The following TRIM36 variants were observed in gnomAD, a reference collection of about 807,000 sequenced individuals.
TRIM36 encodes E3 ubiquitin-protein ligase TRIM36.
TRIM36 carries 42 observed loss-of-function variants against 72.4 expected under a neutral mutation model. The ratio of observed to expected loss-of-function variants is 0.58; its 90% CI spans 0.45 to 0.75. The LOEUF is 0.75. TRIM36 is among the 30% of genes least tolerant of loss of function. TRIM36 has a pLI of 0.00. For missense variants in TRIM36, 913 were observed against 857.1 expected, an observed-to-expected ratio of 1.07 and a Z score of -0.81; for synonymous variants, 315 against 282.8, an observed-to-expected ratio of 1.11 and a Z score of -1.14.
Position 115,130,808 on chromosome 5 carries a change from C to G in TRIM36, c.1580G>C (p.Ser527Thr). The G allele has an allele frequency of 6.2e-7, 1 of 1,614,144 alleles. No homozygotes were observed. Among genetic ancestry groups the G allele is most frequent in the South Asian group, 1.1e-5 (1 of 91,084 alleles). Residue 527 changes from serine to threonine, a missense_variant, in exon 9 of 10, where the codon AGT (serine) becomes ACT (threonine). Physicochemically the swap from Ser to Thr is moderately conservative, Grantham distance 58. Transcript: ENST00000513154. ...LLNLKRDRVESRAGFNLLLAA... is the reference protein window; with the variant it reads ...LLNLKRDRVETRAGFNLLLAA... Reference sequence around the variant, plus strand: ...AAGCAGAAGATTAAATCCAGCTCTACTCTCTACACGGTCTCTCTTCAAGTT... The same window carrying G: ...AAGCAGAAGATTAAATCCAGCTCTAGTCTCTACACGGTCTCTCTTCAAGTT...
At chr5:115,135,373 G>A (rs1422069) in intron 7 of TRIM36, among the ~76,000 whole-genome samples, 12,688 of 151,678 alleles carry the variant, frequency 0.084, 980 homozygotes, top group East Asian at 0.36. Context: ...GATCTGGAAA[G>A]TTATTCAAAA....
At position 115,125,406 on chromosome 5, in the gene TRIM36, T is replaced by C. The variant is rs1752324353; in HGVS notation, c.*1097A>G. The C allele has an allele frequency of 1.3e-5, 2 of 152,138 alleles. 1 individual carries two copies. Among genetic ancestry groups the C allele is most frequent in the Admixed American group, 1.3e-4 (2 of 15,272 alleles). 9.4% of individuals were successfully genotyped at this position (152,138 alleles called of 1,614,324 possible). A position where few individuals can be genotyped will look rare whatever the true frequency, so the allele number is the denominator to read the frequency against. ...GATCTTAGTTATCATTTCTAAGTAA[T>C]TAAATTTGTATTTTTACTTGCTTAT... On this transcript the variant is annotated 3_prime_UTR_variant, in exon 10 of 10. Transcript: ENST00000513154.
In TRIM36 at chr5:115,147,274, G is replaced by A; in HGVS notation, c.383C>T (p.Thr128Ile). 1 of 1,614,140 alleles carries A rather than the reference G, an allele frequency of 6.2e-7. No individual in the cohort carries two copies. Among genetic ancestry groups the A allele is most frequent in the Non-Finnish European group, 8.5e-7 (1 of 1,180,030 alleles). ...NGLFRNFTLE[T>I]IVERYRQAAR... The stretch of plus-strand genomic sequence containing the variant: ...TGCTTGACGATATCTTTCCACAATA[G>A]TTTCCAAAGTGAAGTTTCGAAACAG... Residue 128 changes from threonine to isoleucine, a missense_variant, in exon 3 of 10, where the codon ACT becomes ATT. Thr to Ile is a moderately conservative substitution (Grantham distance 89, BLOSUM62 -1). Transcript: ENST00000513154.
chr5:115,148,867 T>C (rs1753735010), intron 2 of TRIM36: 1 of 152,198 alleles, frequency 6.6e-6, no homozygotes, highest in Non-Finnish European at 1.5e-5. Context: ...AAAAGGTCTT[T>C]AAACAGCTAC....
At chr5:115,128,553 C>T (rs1170415428) in intron 9 of TRIM36, among the ~76,000 whole-genome samples, 1 of 147,852 alleles carries the variant, frequency 6.8e-6, no homozygotes, top group East Asian at 2.0e-4. Context: ...GAGATCGAGA[C>T]CATCCTGGCT....
At chr5:115,139,012 G>A (rs189370686) in intron 5 of TRIM36, among the ~76,000 whole-genome samples, 2,014 of 151,794 alleles carry the variant, frequency 0.013, 48 homozygotes, top group African/African-American at 0.046. Flanking sequence ...GTAGAGATGG[G>A]GTTTCACCGT....
chr5:115,169,602 A>G lies in TRIM36; in HGVS notation c.27+6T>C, dbSNP rs1754984913. ...AGGTGGGGGCGGCGGTCCCCTCCGC[A>G]CTCACCGGCGAATCTGAGCCATCGC... On this transcript the variant is annotated splice_donor_region_variant and intron_variant, in intron 1 of 9. Coordinates refer to ENST00000513154, the MANE Select transcript of TRIM36 (RefSeq NM_001300759.2). 1 of 1,521,016 alleles carries G rather than the reference A, an allele frequency of 6.6e-7. No individual in the cohort carries two copies. Among genetic ancestry groups the G allele is most frequent in the Non-Finnish European group, 8.8e-7 (1 of 1,140,064 alleles). 94.2% of individuals were successfully genotyped at this position (1,521,016 alleles called of 1,614,324 possible).
At chr5:115,132,270 A>C (rs1346838471) in intron 8 of TRIM36, among the ~76,000 whole-genome samples, 3 of 151,530 alleles carry the variant, frequency 2.0e-5, no homozygotes. Context: ...CTGGTGGCTC[A>C]CGTCTATAAT....
chr5:115,129,499 G>T (rs112525084), intron 9 of TRIM36, among the ~76,000 whole-genome samples: 1 of 152,020 alleles, frequency 6.6e-6, no homozygotes, highest in Admixed American at 6.6e-5. Flanking sequence ...CAGAGGTTGC[G>T]GTGAGCCAAG....
chr5:115,153,417 T>C (rs1053388578), intron 2 of TRIM36, among the ~76,000 whole-genome samples: 3 of 152,062 alleles, frequency 2.0e-5, no homozygotes, highest in African/African-American at 7.2e-5. Context: ...AGAAATGAGA[T>C]AGACAGCAAC....
Position 115,126,846 on chromosome 5 carries a change from T to C in TRIM36, c.1808A>G (p.Asp603Gly). ...CTCACTTCCACTGTCATGCCCACTGTCTTGCTCATATCTGAAACATAATAC... is the reference window on the plus strand; with the variant it reads ...CTCACTTCCACTGTCATGCCCACTGCCTTGCTCATATCTGAAACATAATAC... ...RDAVSPRYEQ[D>G]SGHDSGSEDA... The change falls in exon 10 of 10, where the codon GAC becomes GGC. Residue 603 changes from aspartate to glycine, a missense_variant. By Grantham distance (94) the Asp-to-Gly change is moderately conservative. Coordinates refer to ENST00000513154, the MANE Select transcript of TRIM36 (RefSeq NM_001300759.2). The C allele has an allele frequency of 6.2e-7, 1 of 1,610,442 alleles. No homozygotes were observed. Among genetic ancestry groups the C allele is most frequent in the East Asian group, 2.2e-5 (1 of 44,860 alleles).
At chr5:115,179,929 C>T in intron 1 of TRIM36, 3 of 1,576,296 alleles carry the variant, frequency 1.9e-6, no homozygotes, top group Non-Finnish European at 2.6e-6. Context: ...CAGGTAGTGC[C>T]GGAGTCGGGG....
rs746724816 is a variant in TRIM36 at position 115,147,058 on chromosome 5, A to G, written c.588+11T>C. The G allele has an allele frequency of 3.8e-5, 60 of 1,596,112 alleles. No individual in the cohort carries two copies. The highest frequency in any genetic ancestry group is 5.1e-5 in the Non-Finnish European group (60 of 1,169,582). On this transcript the variant is annotated intron_variant, in intron 3 of 9. Transcript: ENST00000513154. ...AAAATAACATTCTAACTTAATAAAA[A>G]CTTCACTTACCTTGGGTCTGAAGTT...
chr5:115,147,108 T>C lies in TRIM36; in HGVS notation c.549A>G (p.Gln183=), dbSNP rs1561432199. ...TAGTAGTTGGACCAACATACTCATG[T>C]TGAGCTTTTATAGTACCCCAAGGGT... The part of the protein sequence containing the change: ...IHHPWGTIKA[Q]HEYVGPTTNF... The change falls in exon 3 of 10, where the codon CAA becomes CAG. Residue 183 remains glutamine, a synonymous_variant. Coordinates refer to ENST00000513154, the MANE Select transcript of TRIM36 (RefSeq NM_001300759.2). The C allele has an allele frequency of 6.2e-7, 1 of 1,614,172 alleles. No homozygotes were observed. The highest frequency in any genetic ancestry group is 8.5e-7 in the Non-Finnish European group (1 of 1,180,004).
intron 2 of TRIM36, chr5:115,148,677 G>C (rs936800467): frequency 6.6e-6 from 1 of 152,140 alleles, no homozygotes; most frequent in African/African-American, 2.4e-5. Context: ...CCAAAGTGCT[G>C]GGATTACAGG....
rs192921611 is a variant in TRIM36, at chr5:115,128,796, T to A, written c.1796+1796A>T. Among the ~76,000 whole-genome samples the A allele has an allele frequency of 1.4e-3, 199 of 139,448 alleles. 1 individual carries two copies. The highest frequency in any genetic ancestry group is 4.9e-3 in the African/African-American group (191 of 38,772). 91.5% of individuals were successfully genotyped at this position (139,448 alleles called of 152,430 possible). Reference sequence around the variant, plus strand: ...AAAAAAAAAAAAAAAAAATTGAAAGTTTATAAAACTAAGGTTAATTTCTTA... The same window carrying A: ...AAAAAAAAAAAAAAAAAATTGAAAGATTATAAAACTAAGGTTAATTTCTTA... On this transcript the variant is annotated intron_variant, in intron 9 of 9. Transcript: ENST00000513154.
At chr5:115,133,327 C>T (rs1048867681) in intron 8 of TRIM36, among the ~76,000 whole-genome samples, 18 of 152,072 alleles carry the variant, frequency 1.2e-4, no homozygotes, top group African/African-American at 4.3e-4. Context: ...GGGGCGATGA[C>T]TGGGCATAAG....
chr5:115,141,401 T>C (rs570882375), intron 4 of TRIM36, 27 bp from the exon 5 acceptor site: 6 of 1,525,456 alleles, frequency 3.9e-6, no homozygotes, highest in Non-Finnish European at 5.3e-6. Context: ...GTAACACAAA[T>C]AGACAAAACG....
intron 1 of TRIM36, among the ~76,000 whole-genome samples, chr5:115,165,726 C>A (rs185249775): frequency 3.4e-4 from 52 of 152,226 alleles, no homozygotes; most frequent in African/African-American, 9.1e-4. Flanking sequence ...GCGGAGGGAG[C>A]CCCATGCTCC....
Sources: gnomAD v4.1 joint callset for allele counts (sites outside exome capture counted in the v4.1 genomes callset) on GRCh38, gnomAD v4.1.1 for gene constraint, MANE v1.5 for transcripts, NCBI Gene and HGNC (gene_info 2026-07-23, HGNC 2026-07-21) for gene names.